The following CCDC18 variants were observed in gnomAD, a reference collection of about 807,000 sequenced individuals.
The protein encoded by CCDC18 is coiled-coil domain containing 18.
CCDC18 carries 157 observed loss-of-function variants against 196.0 expected under a neutral mutation model. That is an observed-to-expected ratio of 0.80 (90% confidence interval 0.70 to 0.91). CCDC18 has a LOEUF of 0.91. CCDC18 is among the 40% of genes least tolerant of loss of function. The probability of loss-of-function intolerance (pLI) is 0.00; values close to 1 mark genes in which losing one functional copy is unlikely to be tolerated. For missense variants in CCDC18, 1,465 were observed against 1,611.6 expected (o/e 0.91, Z 1.56); for synonymous variants, 482 against 529.2 (o/e 0.91, Z 1.22).
Position 93,217,770 on chromosome 1 carries a change from C to T in CCDC18, c.1863C>T (p.Thr621=), listed in dbSNP as rs1570404746. Residue 621 remains threonine (T), a synonymous_variant, in exon 14 of 29, where the codon ACC becomes ACT. Coordinates refer to ENST00000690025, the MANE Select transcript of CCDC18 (RefSeq NM_001378204.1). ...ATGAAAAGATAAGGAGTCTAGAAAC[C>T]AATATTAATACAGAGCATGAGAAAA... ...EKNEKIRSLE[T]NINTEHEKIC... The T allele has an allele frequency of 6.2e-7, 1 of 1,606,544 alleles. No homozygotes were observed. Among genetic ancestry groups the T allele is most frequent in the Non-Finnish European group, 8.5e-7 (1 of 1,174,734 alleles).
intron 26 of CCDC18, among the ~76,000 whole-genome samples, chr1:93,264,355 A>T (rs923006656): frequency 6.6e-6 from 1 of 152,176 alleles, no homozygotes; most frequent in Admixed American, 6.5e-5. Flanking sequence ...CCATGATCAC[A>T]CCTAAAAATT....
At chr1:93,263,349 C>T (rs1374517145) in intron 26 of CCDC18, among the ~76,000 whole-genome samples, 1 of 152,094 alleles carries the variant, frequency 6.6e-6, no homozygotes, top group East Asian at 1.9e-4. Context: ...TGCTCTGCTT[C>T]CCTTTTAAAC....
chr1:93,187,437 C>CTG (rs1390517765), intron 4 of CCDC18, among the ~76,000 whole-genome samples: 6 of 151,478 alleles, frequency 4.0e-5, no homozygotes, highest in Non-Finnish European at 7.4e-5. Context: ...GTGCATGTGT[C>CTG]TGTGTGTGTG....
chr1:93,254,096 A>C (rs1248440719), intron 23 of CCDC18, among the ~76,000 whole-genome samples: 1 of 152,192 alleles, frequency 6.6e-6, no homozygotes, highest in African/African-American at 2.4e-5. Context: ...AAACAAAAAC[A>C]AAAAAGTCTT....
intron 27 of CCDC18, among the ~76,000 whole-genome samples, chr1:93,267,907 T>G (rs1041952176): frequency 6.6e-6 from 1 of 152,178 alleles, no homozygotes; most frequent in African/African-American, 2.4e-5. Flanking sequence ...AGCTGCCAAT[T>G]ACTTTCTTCA....
At chr1:93,195,922 TGGA>T (rs1206341379) in intron 6 of CCDC18, among the ~76,000 whole-genome samples, 2 of 152,134 alleles carry the variant, frequency 1.3e-5, no homozygotes. Context: ...GACTATTGGG[TGGA>T]GAAGATTAAT....
Position 93,184,088 on chromosome 1 carries a change from A to G in CCDC18, c.245A>G (p.Glu82Gly). ...HPGLLNYSPY[E>G]NVCKISGSST... ...GGACTTTTGAATTATTCACCTTATG[A>G]AAACGTCTGTAAAATATCTGGTAGC... Residue 82 changes from glutamate to glycine, a missense_variant, in exon 3 of 29, where the codon GAA (glutamate) becomes GGA (glycine). Transcript: ENST00000690025. 1 of 1,575,790 alleles carries G rather than the reference A, an allele frequency of 6.3e-7. No homozygotes were observed. Among genetic ancestry groups the G allele is most frequent in the Admixed American group, 1.7e-5 (1 of 58,400 alleles).
intron 17 of CCDC18, among the ~76,000 whole-genome samples, chr1:93,228,175 AC>A (rs1256684161): frequency 6.6e-6 from 1 of 151,776 alleles, no homozygotes; most frequent in African/African-American, 2.4e-5. Flanking sequence ...ATAAGCAGGG[AC>A]CCGCTACCAT....
Position 93,246,930 on chromosome 1 carries a change from G to A in CCDC18, c.3174G>A (p.Leu1058=). 1 of 1,352,916 alleles carries A rather than the reference G, an allele frequency of 7.4e-7. No homozygotes were observed. The allele number at this position is 1,352,916 out of a possible 1,614,324, so 83.8% of individuals were successfully genotyped here. A position where few individuals can be genotyped will look rare whatever the true frequency, so the allele number is the denominator to read the frequency against. Residue 1058 remains leucine (L), a synonymous_variant, in exon 23 of 29, where the codon TTG becomes TTA. Transcript: ENST00000690025. ...KLEGTLEKSE[L]ELKECNKQIE... ...AAGGTACTCTGGAGAAATCAGAATT[G>A]GAACTTAAAGAATGTAACAAACAGG...
At chr1:93,265,594 G>A (rs116808080) in intron 27 of CCDC18, among the ~76,000 whole-genome samples, 2,910 of 152,210 alleles carry the variant, frequency 0.019, 86 homozygotes, top group African/African-American at 0.066. Flanking sequence ...TTTGTTAATT[G>A]TGATTTTAAG....
Position 93,258,814 on chromosome 1 carries a change from G to A in CCDC18, c.3613G>A (p.Ala1205Thr). 1 of 1,598,704 alleles carries A rather than the reference G, an allele frequency of 6.3e-7. No individual in the cohort carries two copies. The highest frequency in any genetic ancestry group is 1.7e-5 in the Admixed American group (1 of 57,270). Reference sequence around the variant, plus strand: ...TAAAGTACGTGAAGCTCATTTAGAAGCAAGAATGCAAGCAGAAATCAAGAA... The same window carrying A: ...TAAAGTACGTGAAGCTCATTTAGAAACAAGAATGCAAGCAGAAATCAAGAA... The part of the protein sequence containing the change: ...ASKVREAHLE[A>T]RMQAEIKKLS... The change falls in exon 26 of 29, where the codon GCA (alanine) becomes ACA (threonine). Residue 1205 changes from alanine to threonine, a missense_variant. Physicochemically the swap from Ala to Thr is moderately conservative, Grantham distance 58. Coordinates refer to ENST00000690025, the MANE Select transcript of CCDC18 (RefSeq NM_001378204.1).
At chr1:93,195,697 C>A (rs1386906164) in intron 6 of CCDC18, among the ~76,000 whole-genome samples, 1 of 152,104 alleles carries the variant, frequency 6.6e-6, no homozygotes, top group African/African-American at 2.4e-5. Context: ...AGTGTTCCTC[C>A]TCCTTGGAGG....
At position 93,218,871 on chromosome 1, in the gene CCDC18, G is replaced by A. The variant is rs539365279; in HGVS notation, c.1962+1002G>A. Among the ~76,000 whole-genome samples the A allele has an allele frequency of 5.9e-5, 9 of 152,228 alleles. No homozygotes were observed. The South Asian group carries it at 1.5e-3, about 25-fold the overall frequency. On this transcript the variant is annotated intron_variant, in intron 14 of 28. Transcript: ENST00000690025. ...TCATCTTTGAGAACAGCCTAGTTTC[G>A]CTGCAATTGAAGTCTTGCTTTGGAT...
intron 16 of CCDC18, among the ~76,000 whole-genome samples, chr1:93,223,735 C>T (rs1657812537): frequency 6.6e-6 from 1 of 151,944 alleles, no homozygotes; most frequent in Non-Finnish European, 1.5e-5. Flanking sequence ...TTTAGATTCC[C>T]CAAAACCCCC....
chr1:93,202,590 T>C (rs992282836), intron 7 of CCDC18, among the ~76,000 whole-genome samples: 1 of 152,154 alleles, frequency 6.6e-6, no homozygotes, highest in African/African-American at 2.4e-5. Context: ...CATCTTGAGA[T>C]AGCAATGAAA....
At chr1:93,234,973 G>GTGTGTGTGTGTGTGTGT (rs1557668666) in intron 18 of CCDC18, among the ~76,000 whole-genome samples, 27 of 146,278 alleles carry the variant, frequency 1.8e-4, no homozygotes, top group East Asian at 8.0e-4. Context: ...GTGTGTGTGT[G>GTGTGTGTGTGTGTGTGT]GCTTTTCTTT....
At position 93,221,938 on chromosome 1, in the gene CCDC18, C is replaced by T. The variant is rs1438974354; in HGVS notation, c.2175+2C>T. ...CAAGTATCTGAAGAAACAATCAAGG[C>T]TAGTATGCTAATACTTTATTTTTCT... On this transcript the variant is annotated splice_donor_variant, in intron 16 of 28. Transcript: ENST00000690025. LOFTEE classifies it low-confidence loss of function (GC_TO_GT_DONOR). 6.5e-7 allele frequency: 1 copy of T among 1,540,144 alleles called. No homozygotes were observed. The highest frequency in any genetic ancestry group is 8.8e-7 in the Non-Finnish European group (1 of 1,132,084).
Position 93,183,346 on chromosome 1 carries a change from A to ATTT in CCDC18, c.-2-6_-2-4dup. The ATTT allele has an allele frequency of 1.4e-6, 2 of 1,395,680 alleles. No homozygotes were observed. The highest frequency in any genetic ancestry group is 2.1e-5 in the Admixed American group (1 of 47,756). 86.5% of individuals were successfully genotyped at this position (1,395,680 alleles called of 1,614,324 possible). On this transcript the variant is annotated splice_polypyrimidine_tract_variant and intron_variant, in intron 1 of 28. Transcript: ENST00000690025. ...CTTTCAGACAAGGTACAAGAAATTCATTTTTTTTTTAAGAAATGGAATCTA... is the reference window on the plus strand; with the variant it reads ...CTTTCAGACAAGGTACAAGAAATTCATTTTTTTTTTTTTAAGAAATGGAATCTA...
chr1:93,211,489 A>T (rs979921337), intron 10 of CCDC18, among the ~76,000 whole-genome samples: 1 of 152,172 alleles, frequency 6.6e-6, no homozygotes, highest in Non-Finnish European at 1.5e-5. Context: ...TTTGATCCTT[A>T]TGACTAGTCC....
Sources: allele counts gnomAD v4.1 joint callset (sites outside exome capture counted in the v4.1 genomes callset), GRCh38; gene constraint gnomAD v4.1.1; transcripts MANE v1.5; gene names NCBI Gene and HGNC (gene_info 2026-07-23, HGNC 2026-07-21).